TMPRSS15: variants seen among roughly 807,000 people sequenced by gnomAD.
TMPRSS15 encodes enteropeptidase.
Under a neutral mutation model 125.3 loss-of-function variants are expected in TMPRSS15, and 128 were observed. The ratio of observed to expected loss-of-function variants is 1.02; its 90% CI spans 0.89 to 1.18. The LOEUF (loss-of-function observed/expected upper bound fraction) is 1.18, where lower values mean the gene tolerates loss of function less well. TMPRSS15 is among the 50% of genes most tolerant of loss of function. The pLI is 0.00. For synonymous variants in TMPRSS15, 446 were observed against 423.2 expected (o/e 1.05, Z -0.66); for missense variants, 1,283 against 1,212.7 (o/e 1.06, Z -0.86).
At chr21:18,431,446 A>C (rs1239468672) in intron 1 of TMPRSS15, among the ~76,000 whole-genome samples, 3 of 152,038 alleles carry the variant, frequency 2.0e-5, no homozygotes, top group African/African-American at 7.2e-5. Context: ...TTTCCATTGA[A>C]ACTTCGGAAT....
At chr21:18,353,884 C>G in intron 8 of TMPRSS15, 21 bp from the exon 9 acceptor site, 2 of 1,600,068 alleles carry the variant, frequency 1.2e-6, no homozygotes, top group South Asian at 1.1e-5. Context: ...AAATAAACAA[C>G]TGTTATATGT....
chr21:18,305,080 T>G (rs1480016176), intron 18 of TMPRSS15, among the ~76,000 whole-genome samples: 2 of 151,944 alleles, frequency 1.3e-5, no homozygotes, highest in South Asian at 2.1e-4. Context: ...AGAATGCACC[T>G]GAATTACCTG....
chr21:18,308,475 A>T (rs551974504), intron 18 of TMPRSS15, among the ~76,000 whole-genome samples: 1 of 152,296 alleles, frequency 6.6e-6, no homozygotes, highest in East Asian at 1.9e-4. Context: ...TACTATTTAT[A>T]AAAAATATGC....
intron 1 of TMPRSS15, among the ~76,000 whole-genome samples, chr21:18,456,942 C>A (rs1390728373): frequency 1.3e-5 from 2 of 152,040 alleles, no homozygotes; most frequent in African/African-American, 4.8e-5. Flanking sequence ...AGTCAATACC[C>A]AAATTTAAAT....
At chr21:18,411,967 G>A (rs1273157864) in intron 1 of TMPRSS15, among the ~76,000 whole-genome samples, 1 of 152,044 alleles carries the variant, frequency 6.6e-6, no homozygotes, top group African/African-American at 2.4e-5. Context: ...TCCTCGTAGG[G>A]GTTACCACAC....
intron 1 of TMPRSS15, among the ~76,000 whole-genome samples, chr21:18,443,832 T>G (rs183435979): frequency 2.0e-5 from 3 of 152,288 alleles, no homozygotes; most frequent in Admixed American, 2.0e-4. Context: ...TTCTAGAGCT[T>G]CCAGCTAGCA....
chr21:18,408,630 T>C (rs2076158401), upstream of TMPRSS15, among the ~76,000 whole-genome samples: 1 of 152,128 alleles, frequency 6.6e-6, no homozygotes, highest in African/African-American at 2.4e-5. Context: ...GAGATCTAAT[T>C]GGCAAATTCT....
intron 18 of TMPRSS15, among the ~76,000 whole-genome samples, chr21:18,301,334 AAGC>A (rs968518578): frequency 6.6e-6 from 1 of 152,218 alleles, no homozygotes; most frequent in African/African-American, 2.4e-5. Context: ...ACAGATTAAA[AAGC>A]AGCAGAAGTT....
intron 1 of TMPRSS15, among the ~76,000 whole-genome samples, chr21:18,416,004 AC>A (rs1452126335): frequency 6.6e-6 from 1 of 152,106 alleles, no homozygotes; most frequent in African/African-American, 2.4e-5. Flanking sequence ...CAAAACATTA[AC>A]AAGGAACCAT....
chr21:18,298,731 G>C (rs1217673662), intron 18 of TMPRSS15, among the ~76,000 whole-genome samples: 3 of 152,184 alleles, frequency 2.0e-5, no homozygotes, highest in Non-Finnish European at 4.4e-5. Flanking sequence ...CCAGTGAGCA[G>C]GGAGATGATG....
intron 4 of TMPRSS15, 104 bp downstream of exon 4, chr21:18,383,523 T>C: frequency 7.5e-7 from 1 of 1,338,910 alleles, no homozygotes; most frequent in African/African-American, 1.4e-5. Context: ...CAATAAGACA[T>C]GTTCCTAAGG....
intron 1 of TMPRSS15, among the ~76,000 whole-genome samples, chr21:18,433,509 A>G (rs944185879): frequency 1.8e-4 from 28 of 151,934 alleles, no homozygotes; most frequent in Admixed American, 1.7e-3. Context: ...ACTGGGTAAC[A>G]TGGAGAAACC....
intron 23 of TMPRSS15, among the ~76,000 whole-genome samples, chr21:18,276,773 T>C (rs2074626920): frequency 7.8e-6 from 1 of 128,484 alleles, no homozygotes; most frequent in Non-Finnish European, 1.6e-5. Flanking sequence ...TTTTTTTTTT[T>C]TTTGAGACGA....
chr21:18,373,782 C>T (rs1488631293), intron 5 of TMPRSS15, among the ~76,000 whole-genome samples: 2 of 152,174 alleles, frequency 1.3e-5, no homozygotes. Context: ...ATCTGTTGAA[C>T]TCTTGATTAG....
intron 1 of TMPRSS15, among the ~76,000 whole-genome samples, chr21:18,412,684 G>C (rs1224935400): frequency 6.6e-6 from 1 of 152,126 alleles, no homozygotes; most frequent in Non-Finnish European, 1.5e-5. Context: ...AATTTGTACT[G>C]TACCTAGAAT....
In TMPRSS15 at chr21:18,312,937, T is replaced by A. The variant is rs2075116553; in HGVS notation, c.2165+8A>T. On this transcript the variant is annotated splice_region_variant and intron_variant, in intron 18 of 24. Coordinates refer to ENST00000284885, the MANE Select transcript of TMPRSS15 (RefSeq NM_002772.3). ...TCTCTTAAAAAGGAACTCAGTAGAA[T>A]TACTTACCCTAGTCCCAGCAGTTGA... 1 of 1,613,520 alleles carries A rather than the reference T, an allele frequency of 6.2e-7. No individual in the cohort carries two copies. Among genetic ancestry groups the A allele is most frequent in the East Asian group, 2.2e-5 (1 of 44,858 alleles).
At chr21:18,324,572 T>G (rs1183140535) in intron 16 of TMPRSS15, among the ~76,000 whole-genome samples, 1 of 152,170 alleles carries the variant, frequency 6.6e-6, no homozygotes, top group Non-Finnish European at 1.5e-5. Flanking sequence ...GCTGGTACTG[T>G]GCAAAGACTA....
chr21:18,379,222 A>C, intron 5 of TMPRSS15, 61 bp downstream of exon 5: 1 of 844,578 alleles, frequency 1.2e-6, no homozygotes, highest in Non-Finnish European at 1.7e-6. Flanking sequence ...AGGGGCCTAA[A>C]ATAAAATGTA....
chr21:18,438,227 C>CA (rs1293204845), intron 1 of TMPRSS15, among the ~76,000 whole-genome samples: 3 of 149,002 alleles, frequency 2.0e-5, no homozygotes, highest in African/African-American at 7.4e-5. Flanking sequence ...ATCGCAAGGA[C>CA]AAAAAACCAA....
Sources: gnomAD v4.1 joint callset for allele counts (sites outside exome capture counted in the v4.1 genomes callset) on GRCh38, gnomAD v4.1.1 for gene constraint, MANE v1.5 for transcripts, NCBI Gene and HGNC (gene_info 2026-07-23, HGNC 2026-07-21) for gene names.